KCNN2: variants seen among roughly 807,000 people sequenced by gnomAD.
KCNN2 encodes potassium calcium-activated channel subfamily N member 2.
KCNN2 carries 24 observed loss-of-function variants against 55.5 expected under a neutral mutation model. The observed-to-expected ratio is 0.43, with a 90% CI of 0.31 to 0.61. The LOEUF is 0.61. Among genes scored for constraint, KCNN2 ranks in the 20% least tolerant of loss-of-function variants. The pLI is 0.08. For missense variants in KCNN2, 754 were observed against 853.6 expected, an observed-to-expected ratio of 0.88 and a Z score of 1.45; for synonymous variants, 431 against 336.1, an observed-to-expected ratio of 1.28 and a Z score of -3.09.
At chr5:114,245,638 A>G (rs1754735074) in intron 2 of KCNN2, among the ~76,000 whole-genome samples, 4 of 152,082 alleles carry the variant, frequency 2.6e-5, no homozygotes, top group Admixed American at 2.6e-4. Context: ...CTGTGAAATA[A>G]CAATATAAGT....
intron 1 of KCNN2, among the ~76,000 whole-genome samples, chr5:114,074,890 G>A (rs79717693): frequency 8.5e-4 from 130 of 152,318 alleles, no homozygotes; most frequent in African/African-American, 2.8e-3. Flanking sequence ...GTTTAAAAGT[G>A]CACAATTCAC....
chr5:114,272,771 C>T (rs1446298130), intron 2 of KCNN2, among the ~76,000 whole-genome samples: 7 of 152,136 alleles, frequency 4.6e-5, no homozygotes, highest in African/African-American at 7.2e-5. Context: ...AATATTCCAA[C>T]TAGTTTTTAA....
chr5:114,289,404 C>T (rs1459014465), intron 2 of KCNN2, among the ~76,000 whole-genome samples: 1 of 145,396 alleles, frequency 6.9e-6, no homozygotes, highest in Non-Finnish European at 1.5e-5. Context: ...GAGTCTCACT[C>T]ACTTTGTGGC....
At chr5:114,069,130 T>C (rs555159297) in intron 1 of KCNN2, among the ~76,000 whole-genome samples, 343 of 152,310 alleles carry the variant, frequency 2.3e-3, no homozygotes, top group Non-Finnish European at 3.9e-3. Context: ...CTTGCTTTTC[T>C]TCTTCCAACT....
chr5:114,223,027 A>G (rs1754173559), intron 2 of KCNN2, among the ~76,000 whole-genome samples: 1 of 152,174 alleles, frequency 6.6e-6, no homozygotes, highest in African/African-American at 2.4e-5. Flanking sequence ...CTGACTACTA[A>G]CAGTCAGTAG....
chr5:114,159,553 G>A (rs1056537793), intron 1 of KCNN2, among the ~76,000 whole-genome samples: 8 of 152,136 alleles, frequency 5.3e-5, no homozygotes, highest in Admixed American at 5.2e-4. Context: ...TTTTTCTATT[G>A]ATTGGGATAG....
chr5:114,201,041 G>A (rs889567095), intron 1 of KCNN2, among the ~76,000 whole-genome samples: 2 of 152,040 alleles, frequency 1.3e-5, no homozygotes, highest in East Asian at 3.9e-4. Flanking sequence ...GGTGGACCCT[G>A]TGTGTGAGTG....
intron 3 of KCNN2, among the ~76,000 whole-genome samples, chr5:114,412,722 C>CA (rs1759174936): frequency 6.6e-6 from 1 of 152,184 alleles, no homozygotes; most frequent in African/African-American, 2.4e-5. Context: ...CCTTTCCCAG[C>CA]ACTAGCCATT....
At chr5:114,219,729 G>C (rs1754093424) in intron 1 of KCNN2, among the ~76,000 whole-genome samples, 1 of 152,056 alleles carries the variant, frequency 6.6e-6, no homozygotes, top group Non-Finnish European at 1.5e-5. Flanking sequence ...TGGCTTGAGG[G>C]TGGGGTTTTG....
chr5:114,289,229 G>C (rs543569984), intron 2 of KCNN2, among the ~76,000 whole-genome samples: 1 of 152,026 alleles, frequency 6.6e-6, no homozygotes, highest in East Asian at 1.9e-4. Flanking sequence ...CCAGTACCAC[G>C]CTGTTTGGAT....
upstream of KCNN2, among the ~76,000 whole-genome samples, chr5:114,361,611 A>C (rs1299304784): frequency 1.3e-5 from 2 of 150,188 alleles, no homozygotes; most frequent in Non-Finnish European, 3.0e-5. Context: ...GTGCAGTCGG[A>C]GAAGTGGTCG....
intron 2 of KCNN2, among the ~76,000 whole-genome samples, chr5:114,370,824 C>G (rs1260560109): frequency 6.6e-6 from 1 of 152,114 alleles, no homozygotes; most frequent in Non-Finnish European, 1.5e-5. Context: ...TTCCGCCCCC[C>G]ACCCCTCCCA....
In KCNN2 at chr5:114,169,956, A is replaced by T. The variant is rs147246688; in HGVS notation, c.-270-51524A>T. On this transcript the variant is annotated intron_variant, in intron 1 of 10. Coordinates refer to the KCNN2 transcript ENST00000512097. ...TTATTATCCAGCACCTTAGTGAATT[A>T]CTTGAATTATTTCTAGATTGGTTTG... 5.4e-3 allele frequency among the ~76,000 whole-genome samples: 825 copies of T among 152,220 alleles called. 6 individuals carry two copies. The highest frequency in any genetic ancestry group is 0.019 in the African/African-American group (782 of 41,568).
intron 1 of KCNN2, among the ~76,000 whole-genome samples, chr5:114,131,066 T>A (rs1017463836): frequency 6.6e-6 from 1 of 152,240 alleles, no homozygotes; most frequent in Non-Finnish European, 1.5e-5. Flanking sequence ...TCTTTTTTTT[T>A]CTAAGCCATT....
chr5:114,295,639 C>T (rs1755994818), intron 2 of KCNN2, among the ~76,000 whole-genome samples: 2 of 152,144 alleles, frequency 1.3e-5, no homozygotes, highest in African/African-American at 4.8e-5. Context: ...ACTCCCTGAC[C>T]CCTTGCACTT....
At chr5:114,201,687 G>C (rs565647122) in intron 1 of KCNN2, among the ~76,000 whole-genome samples, 149 of 152,244 alleles carry the variant, frequency 9.8e-4, no homozygotes, top group Non-Finnish European at 1.6e-3. Flanking sequence ...CTTGGGCCTG[G>C]CACCAGAGAA....
At chr5:114,228,888 A>C (rs1754298696) in intron 2 of KCNN2, among the ~76,000 whole-genome samples, 2 of 152,078 alleles carry the variant, frequency 1.3e-5, no homozygotes, top group Non-Finnish European at 1.5e-5. Context: ...GCTTTCAAAA[A>C]TAAAAGACAA....
intron 1 of KCNN2, among the ~76,000 whole-genome samples, chr5:114,159,580 A>G (rs560639825): frequency 6.6e-6 from 1 of 152,262 alleles, no homozygotes; most frequent in Non-Finnish European, 1.5e-5. Context: ...AAGGAATGGT[A>G]CCAGTTCCTC....
chr5:114,138,764 G>C (rs189857750), intron 1 of KCNN2, among the ~76,000 whole-genome samples: 2 of 152,254 alleles, frequency 1.3e-5, no homozygotes, highest in East Asian at 3.9e-4. Context: ...TATCTGTAAG[G>C]ATGGGAGGTA....
Sources: allele counts gnomAD v4.1 joint callset (sites outside exome capture counted in the v4.1 genomes callset), GRCh38; gene constraint gnomAD v4.1.1; transcripts MANE v1.5; gene names NCBI Gene and HGNC (gene_info 2026-07-23, HGNC 2026-07-21).